The following SRSF11 variants were observed in gnomAD, a reference collection of about 807,000 sequenced individuals.
SRSF11 encodes serine/arginine-rich splicing factor 11.
SRSF11 carries 9 observed loss-of-function variants against 56.0 expected under a neutral mutation model. The observed-to-expected ratio is 0.16, with a 90% CI of 0.10 to 0.28. The LOEUF (loss-of-function observed/expected upper bound fraction) is 0.28, where lower values mean the gene tolerates loss of function less well. Among genes scored for constraint, SRSF11 ranks in the 10% least tolerant of loss-of-function variants. The pLI is 1.00. For missense variants in SRSF11, 421 were observed against 600.7 expected (o/e 0.70, Z 3.13); for synonymous variants, 222 against 215.3 (o/e 1.03, Z -0.27).
chr1:70,220,312 T>C (rs1670414721), upstream of SRSF11, among the ~76,000 whole-genome samples: 1 of 152,230 alleles, frequency 6.6e-6, no homozygotes, highest in South Asian at 2.1e-4. Flanking sequence ...AGAGACATTA[T>C]GGTTTTTGTC....
At chr1:70,228,751 G>A (rs1215521792) in intron 2 of SRSF11, 196 bp downstream of exon 2, 12 of 1,248,382 alleles carry the variant, frequency 9.6e-6, no homozygotes, top group Non-Finnish European at 1.2e-5. Flanking sequence ...TTATTATAAG[G>A]TATTTACCTT....
intron 9 of SRSF11, chr1:70,249,748 C>G: frequency 2.0e-6 from 1 of 496,964 alleles, no homozygotes; most frequent in Non-Finnish European, 3.7e-6. Flanking sequence ...TTTGTAGAGA[C>G]AGAGTTTCAC....
At position 70,221,484 on chromosome 1, in the gene SRSF11, C is replaced by A; in HGVS notation, c.-153C>A. The A allele has an allele frequency of 1.0e-6, 1 of 999,846 alleles. No homozygotes were observed. 61.9% of individuals were successfully genotyped at this position (999,846 alleles called of 1,614,324 possible). ...CGCGGCGTGCGGCGGGGCGGAGAAA[C>A]GGCGGCGGCGGCGGCGGCATCGGCA... On this transcript the variant is annotated 5_prime_UTR_variant, in exon 1 of 12. Coordinates refer to ENST00000370949, the MANE Select transcript of SRSF11 (RefSeq NM_001350605.2).
In SRSF11 at chr1:70,232,500, A is replaced by G. The variant is rs1673029049; in HGVS notation, c.447+123A>G. 4 of 691,046 alleles carry G rather than the reference A, an allele frequency of 5.8e-6. No homozygotes were observed. The South Asian group carries it at 6.0e-5, about 10-fold the overall frequency. 42.8% of individuals were successfully genotyped at this position (691,046 alleles called of 1,614,324 possible). On this transcript the variant is annotated intron_variant, in intron 3 of 11. Transcript: ENST00000370949. ...GTTCAGATAGCATTATCACATGTCT[A>G]TATCAAAATCACAAATAGTATAGAA...
At position 70,251,456 on chromosome 1, in the gene SRSF11, A is replaced by G. The variant is rs1677936694; in HGVS notation, c.*651A>G. On this transcript the variant is annotated 3_prime_UTR_variant, in exon 12 of 12. Coordinates refer to ENST00000370949, the MANE Select transcript of SRSF11 (RefSeq NM_001350605.2). Reference sequence around the variant, plus strand: ...TTTAAATACAGAAACAAGATTTCAAATAAAACTGTCTTTGGCAGTGAGTAA... The same window carrying G: ...TTTAAATACAGAAACAAGATTTCAAGTAAAACTGTCTTTGGCAGTGAGTAA... 1 of 152,762 alleles carries G rather than the reference A, an allele frequency of 6.5e-6. No homozygotes were observed. The highest frequency in any genetic ancestry group is 2.1e-4 in the South Asian group (1 of 4,834). 9.5% of individuals were successfully genotyped at this position (152,762 alleles called of 1,614,324 possible). A position where few individuals can be genotyped will look rare whatever the true frequency, so the allele number is the denominator to read the frequency against.
intron 7 of SRSF11, 27 bp from the exon 8 acceptor site, chr1:70,244,657 T>C (rs1199316171): frequency 6.2e-7 from 1 of 1,607,156 alleles, no homozygotes; most frequent in Admixed American, 1.7e-5. Flanking sequence ...TTTATACACA[T>C]GTATTGGCTT....
chr1:70,220,694 A>G (rs889859118), upstream of SRSF11: 4 of 152,112 alleles, frequency 2.6e-5, no homozygotes, highest in African/African-American at 9.7e-5. Flanking sequence ...TACTAAAAAT[A>G]CAAAACTTAG....
chr1:70,205,771 C>G (rs1027085088), exon 1 of SRSF11: 2 of 456,320 alleles, frequency 4.4e-6, no homozygotes, highest in Non-Finnish European at 7.9e-6. Flanking sequence ...CCTGGAATTA[C>G]TTCAATCAAG....
chr1:70,208,941 G>C (rs1353770639), intron 1 of SRSF11, among the ~76,000 whole-genome samples: 2 of 152,152 alleles, frequency 1.3e-5, no homozygotes, highest in Admixed American at 1.3e-4. Context: ...CTAAAATAAT[G>C]TGAAATGAAT....
intron 1 of SRSF11, among the ~76,000 whole-genome samples, chr1:70,223,945 T>C (rs922056329): frequency 8.5e-5 from 13 of 152,186 alleles, no homozygotes; most frequent in African/African-American, 3.1e-4. Context: ...ATCTCTGGGT[T>C]CCACATCCAT....
chr1:70,214,031 T>C (rs1209985722), intron 1 of SRSF11, among the ~76,000 whole-genome samples: 2 of 152,168 alleles, frequency 1.3e-5, no homozygotes, highest in African/African-American at 4.8e-5. Context: ...TTTTCCTTCA[T>C]GAAGAGAAAG....
intron 7 of SRSF11, among the ~76,000 whole-genome samples, chr1:70,243,803 C>T (rs1447045219): frequency 6.6e-6 from 1 of 152,140 alleles, no homozygotes; most frequent in African/African-American, 2.4e-5. Context: ...ATAATCCCAA[C>T]TCTGGGAGGC....
chr1:70,229,862 G>A, intron 2 of SRSF11: 2 of 984,716 alleles, frequency 2.0e-6, no homozygotes, highest in Non-Finnish European at 2.4e-6. Context: ...ATATTAAAGT[G>A]TATGAGCCCA....
chr1:70,239,628 T>C, intron 7 of SRSF11, 108 bp downstream of exon 7: 1 of 782,860 alleles, frequency 1.3e-6, no homozygotes, highest in Non-Finnish European at 2.0e-6. Context: ...AGTGTTTTAG[T>C]AACCTCTGCT....
intron 1 of SRSF11, among the ~76,000 whole-genome samples, chr1:70,212,107 C>T (rs1276585166): frequency 3.3e-5 from 5 of 152,098 alleles, no homozygotes; most frequent in Non-Finnish European, 7.3e-5. Flanking sequence ...TTAAAAACTA[C>T]TTACTGTACT....
chr1:70,235,661 A>C, intron 5 of SRSF11, 111 bp downstream of exon 5: 3 of 1,024,430 alleles, frequency 2.9e-6, no homozygotes, highest in Non-Finnish European at 4.3e-6. Flanking sequence ...TTCTCAAGAC[A>C]AGCAATATGT....
intron 1 of SRSF11, among the ~76,000 whole-genome samples, chr1:70,214,321 T>C (rs1669815349): frequency 6.6e-6 from 1 of 152,058 alleles, no homozygotes; most frequent in Non-Finnish European, 1.5e-5. Flanking sequence ...GCCAAATGTT[T>C]CTTTTGAGCC....
intron 7 of SRSF11, among the ~76,000 whole-genome samples, chr1:70,241,204 CTATT>C (rs925440169): frequency 2.6e-5 from 4 of 152,108 alleles, no homozygotes; most frequent in Non-Finnish European, 5.9e-5. Flanking sequence ...ACCATTTCTC[CTATT>C]TATTGTCAGG....
intron 1 of SRSF11, among the ~76,000 whole-genome samples, chr1:70,206,435 CG>C (rs1395868105): frequency 6.6e-6 from 1 of 151,852 alleles, no homozygotes; most frequent in Non-Finnish European, 1.5e-5. Context: ...CTTGAGCTCT[CG>C]GTGAGTCCAG....
Sources: gnomAD v4.1 joint callset for allele counts (sites outside exome capture counted in the v4.1 genomes callset) on GRCh38, gnomAD v4.1.1 for gene constraint, MANE v1.5 for transcripts, NCBI Gene and HGNC (gene_info 2026-07-23, HGNC 2026-07-21) for gene names.